The following SLC35F4 variants were observed in gnomAD, a reference collection of about 807,000 sequenced individuals.
The protein encoded by SLC35F4 is solute carrier family 35 member F4.
Under a neutral mutation model 44.2 loss-of-function variants are expected in SLC35F4, and 24 were observed. The observed-to-expected ratio is 0.54, with a 90% confidence interval of 0.39 to 0.76. The LOEUF is 0.76. Ranked by LOEUF, SLC35F4 falls within the 30% of genes least tolerant of loss-of-function variation. SLC35F4 has a pLI of 0.00. For missense variants in SLC35F4, 562 were observed against 586.1 expected (o/e 0.96, Z 0.42); for synonymous variants, 238 against 223.6 (o/e 1.06, Z -0.57).
intron 1 of SLC35F4, among the ~76,000 whole-genome samples, chr14:57,632,428 A>G (rs983915982): frequency 6.6e-6 from 1 of 152,146 alleles, no homozygotes; most frequent in African/African-American, 2.4e-5. Context: ...CAGGAGGTAA[A>G]GAAAGACAGG....
intron 1 of SLC35F4, among the ~76,000 whole-genome samples, chr14:57,857,935 A>T (rs1007548430): frequency 6.6e-6 from 1 of 152,096 alleles, no homozygotes; most frequent in Admixed American, 6.5e-5. Flanking sequence ...ATGAGCTGCC[A>T]TCATCACTGG....
chr14:57,802,089 T>C (rs2078206053), intron 1 of SLC35F4, among the ~76,000 whole-genome samples: 1 of 152,110 alleles, frequency 6.6e-6, no homozygotes, highest in South Asian at 2.1e-4. Context: ...AGTAAAACAC[T>C]CCTCAGCAAA....
intron 1 of SLC35F4, among the ~76,000 whole-genome samples, chr14:57,914,293 G>A (rs1365799451): frequency 6.6e-6 from 1 of 152,210 alleles, no homozygotes. Flanking sequence ...GCCGGGCATG[G>A]TGGCTCACGC....
In SLC35F4 at chr14:57,865,897, G is replaced by T. The variant is rs992692923; in HGVS notation, c.-72C>A. 61 of 1,115,070 alleles carry T rather than the reference G, an allele frequency of 5.5e-5. No individual in the cohort carries two copies. Among genetic ancestry groups the T allele is most frequent in the Non-Finnish European group, 4.1e-5 (33 of 810,794 alleles). 69.1% of individuals were successfully genotyped at this position (1,115,070 alleles called of 1,614,324 possible). Reference sequence around the variant, plus strand: ...AGCGCGGGGCCCGGGAGCTGGTGCAGGTGCCGGAGCCGCTGGTGCTGATCT... The same window carrying T: ...AGCGCGGGGCCCGGGAGCTGGTGCATGTGCCGGAGCCGCTGGTGCTGATCT... On this transcript the variant is annotated 5_prime_UTR_variant, in exon 1 of 8. In the 5' UTR this introduces an upstream ATG that the reference lacks. Coordinates refer to ENST00000556826, the MANE Select transcript of SLC35F4 (RefSeq NM_001306087.2).
At chr14:57,689,938 A>C (rs1450367325) in intron 1 of SLC35F4, among the ~76,000 whole-genome samples, 1 of 152,184 alleles carries the variant, frequency 6.6e-6, no homozygotes, top group Non-Finnish European at 1.5e-5. Context: ...TTGTTTTAGC[A>C]TGTAACCACT....
intron 1 of SLC35F4, among the ~76,000 whole-genome samples, chr14:57,606,564 T>C (rs2140015138): frequency 6.6e-6 from 1 of 152,364 alleles, no homozygotes; most frequent in Middle Eastern, 3.4e-3. Flanking sequence ...CTCCAAATTC[T>C]TGGTTTCCTT....
chr14:57,853,273 T>C (rs555967158), intron 1 of SLC35F4, among the ~76,000 whole-genome samples: 1 of 152,322 alleles, frequency 6.6e-6, no homozygotes, highest in South Asian at 2.1e-4. Context: ...ACAGTATCTA[T>C]AAGTTCATTA....
chr14:57,570,864 G>T (rs997167032), intron 5 of SLC35F4, among the ~76,000 whole-genome samples: 31 of 152,002 alleles, frequency 2.0e-4, no homozygotes, highest in African/African-American at 7.2e-4. Flanking sequence ...TCTGTTGAAA[G>T]ACTTAATCAA....
chr14:57,896,584 C>A (rs965955868), intron 1 of SLC35F4, among the ~76,000 whole-genome samples: 9 of 152,002 alleles, frequency 5.9e-5, no homozygotes, highest in Admixed American at 5.2e-4. Context: ...GCATTGTGAT[C>A]TTTTCTGTAA....
chr14:57,968,428 A>G (rs1880955882), intron 1 of SLC35F4, among the ~76,000 whole-genome samples: 1 of 152,222 alleles, frequency 6.6e-6, no homozygotes, highest in South Asian at 2.1e-4. Flanking sequence ...CAGGATGACT[A>G]CTGCCACAGT....
intron 1 of SLC35F4, among the ~76,000 whole-genome samples, chr14:57,971,004 G>A (rs373933734): frequency 2.0e-5 from 3 of 152,152 alleles, no homozygotes; most frequent in Admixed American, 6.5e-5. Flanking sequence ...GCTCTTATCT[G>A]TTATGTGTTA....
chr14:57,664,871 C>T (rs753550154), intron 1 of SLC35F4, among the ~76,000 whole-genome samples: 10 of 152,116 alleles, frequency 6.6e-5, no homozygotes, highest in Non-Finnish European at 1.5e-4. Flanking sequence ...ATCTACTAAG[C>T]CACAGTGAAA....
intron 1 of SLC35F4, among the ~76,000 whole-genome samples, chr14:57,721,005 T>TATATATATATATATATAC (rs1446940518): frequency 9.7e-5 from 12 of 123,970 alleles, no homozygotes; most frequent in Non-Finnish European, 1.9e-4. Flanking sequence ...TATATATATA[T>TATATATATATATATATAC]ATATATATAT....
intron 1 of SLC35F4, among the ~76,000 whole-genome samples, chr14:57,914,143 C>T (rs909901526): frequency 1.3e-5 from 2 of 152,200 alleles, no homozygotes; most frequent in Non-Finnish European, 2.9e-5. Flanking sequence ...AAAATATTCT[C>T]ACAATTCTGG....
intron 1 of SLC35F4, among the ~76,000 whole-genome samples, chr14:57,700,013 A>G (rs2075491877): frequency 6.6e-6 from 1 of 152,172 alleles, no homozygotes; most frequent in Admixed American, 6.6e-5. Context: ...GAAACCACAA[A>G]TAGTACTGAA....
At chr14:57,746,775 G>T (rs1318451144) in intron 1 of SLC35F4, among the ~76,000 whole-genome samples, 1 of 152,140 alleles carries the variant, frequency 6.6e-6, no homozygotes, top group African/African-American at 2.4e-5. Flanking sequence ...AATGACTCAA[G>T]GGGTAGCTAT....
At chr14:57,624,253 G>A (rs2072352350) in intron 1 of SLC35F4, among the ~76,000 whole-genome samples, 1 of 152,190 alleles carries the variant, frequency 6.6e-6, no homozygotes, top group Admixed American at 6.5e-5. Context: ...AAACCAGGAA[G>A]AAGTTGAATC....
At chr14:57,776,068 G>A (rs950806748) in intron 1 of SLC35F4, among the ~76,000 whole-genome samples, 3 of 152,138 alleles carry the variant, frequency 2.0e-5, no homozygotes, top group African/African-American at 7.2e-5. Context: ...TCGAAGACTG[G>A]TTTTCTGAAA....
At chr14:57,864,208 G>A (rs1887925908) in intron 1 of SLC35F4, among the ~76,000 whole-genome samples, 1 of 152,134 alleles carries the variant, frequency 6.6e-6, no homozygotes, top group African/African-American at 2.4e-5. Flanking sequence ...TGAAAGTCAA[G>A]TAATTTCCAC....
Sources: allele counts gnomAD v4.1 joint callset (sites outside exome capture counted in the v4.1 genomes callset), GRCh38; gene constraint gnomAD v4.1.1; transcripts MANE v1.5; gene names NCBI Gene and HGNC (gene_info 2026-07-23, HGNC 2026-07-21).